Variants in SPIDR observed in about 807,000 individuals in gnomAD.
SPIDR encodes scaffold protein involved in DNA repair, also known as DNA repair-scaffolding protein.
SPIDR carries 93 observed loss-of-function variants against 104.6 expected under a neutral mutation model. The ratio of observed to expected loss-of-function variants is 0.89; its 90% CI spans 0.75 to 1.06. SPIDR has a LOEUF of 1.06. Ranked by LOEUF, SPIDR falls within the 50% of genes least tolerant of loss-of-function variation. The probability of loss-of-function intolerance (pLI) is 0.00; values close to 1 mark genes in which losing one functional copy is unlikely to be tolerated. For synonymous variants in SPIDR, 431 were observed against 416.9 expected, an observed-to-expected ratio of 1.03 and a Z score of -0.41; for missense variants, 1,154 against 1,111.2, an observed-to-expected ratio of 1.04 and a Z score of -0.55.
chr8:47,435,421 G>T (rs1028958882), intron 7 of SPIDR, among the ~76,000 whole-genome samples: 1 of 151,980 alleles, frequency 6.6e-6, no homozygotes. Context: ...ACGAATTCAT[G>T]CAGTTATTCA....
chr8:47,321,694 A>G (rs1554595748), intron 5 of SPIDR, among the ~76,000 whole-genome samples: 1 of 152,210 alleles, frequency 6.6e-6, no homozygotes, highest in Non-Finnish European at 1.5e-5. Context: ...ACTTCAAACT[A>G]TACTACAAGG....
intron 10 of SPIDR, among the ~76,000 whole-genome samples, chr8:47,633,569 A>AAC (rs1554527445): frequency 1.3e-5 from 2 of 150,862 alleles, no homozygotes; most frequent in East Asian, 1.9e-4. Flanking sequence ...AAAAAAAAAA[A>AAC]AAAACAAAAA....
chr8:47,420,171 G>A (rs1443006849), intron 7 of SPIDR, among the ~76,000 whole-genome samples: 2 of 152,134 alleles, frequency 1.3e-5, no homozygotes, highest in Non-Finnish European at 2.9e-5. Context: ...GGGTATCCTT[G>A]TTAACTTTGT....
intron 8 of SPIDR, among the ~76,000 whole-genome samples, chr8:47,486,360 AC>A (rs1179680807): frequency 6.6e-6 from 1 of 152,222 alleles, no homozygotes; most frequent in African/African-American, 2.4e-5. Flanking sequence ...ATGTGAAAAG[AC>A]CAAATCTACG....
intron 8 of SPIDR, among the ~76,000 whole-genome samples, chr8:47,473,523 T>A (rs542136308): frequency 6.6e-6 from 1 of 152,332 alleles, no homozygotes; most frequent in East Asian, 1.9e-4. Flanking sequence ...ATTCTCCTGC[T>A]GCTTTCCTTT....
chr8:47,598,993 G>A lies in SPIDR; in HGVS notation c.1341G>A (p.Gly447=). 6.2e-7 allele frequency: 1 copy of A among 1,613,792 alleles called. No individual in the cohort carries two copies. Among genetic ancestry groups the A allele is most frequent in the Non-Finnish European group, 8.5e-7 (1 of 1,179,830 alleles). Residue 447 remains glycine, a synonymous_variant, in exon 10 of 20, where the codon GGG becomes GGA. Coordinates refer to ENST00000297423, the MANE Select transcript of SPIDR (RefSeq NM_001080394.4). ...VATTGTAWTH[G]HKEAKQRIPT... is the part of the protein sequence containing the mutation. ...CTACAGGGACAGCCTGGACCCATGGGCACAAAGAAGCAAAACAGCGCATCC... is the reference window on the plus strand; with the variant it reads ...CTACAGGGACAGCCTGGACCCATGGACACAAAGAAGCAAAACAGCGCATCC...
At chr8:47,674,470 T>A (rs1314580320) in intron 11 of SPIDR, among the ~76,000 whole-genome samples, 1 of 151,696 alleles carries the variant, frequency 6.6e-6, no homozygotes, top group South Asian at 2.1e-4. Flanking sequence ...GCCTGTTACA[T>A]CTCCAGTAAT....
At chr8:47,438,000 T>C (rs2068686061) in intron 7 of SPIDR, among the ~76,000 whole-genome samples, 1 of 152,252 alleles carries the variant, frequency 6.6e-6, no homozygotes, top group African/African-American at 2.4e-5. Context: ...TGTAATACTA[T>C]TTATGTATTT....
At chr8:47,595,587 A>G (rs2061551536) in intron 8 of SPIDR, among the ~76,000 whole-genome samples, 1 of 152,236 alleles carries the variant, frequency 6.6e-6, no homozygotes, top group Non-Finnish European at 1.5e-5. Flanking sequence ...CCAGGGACTT[A>G]GCCTTCTTCC....
At chr8:47,579,176 C>A (rs907765659) in intron 8 of SPIDR, among the ~76,000 whole-genome samples, 1 of 152,140 alleles carries the variant, frequency 6.6e-6, no homozygotes, top group Non-Finnish European at 1.5e-5. Context: ...ATTGACATTG[C>A]CTTGTCAGAG....
At chr8:47,290,060 A>T (rs1040687359) in intron 3 of SPIDR, among the ~76,000 whole-genome samples, 2 of 151,994 alleles carry the variant, frequency 1.3e-5, no homozygotes, top group Non-Finnish European at 2.9e-5. Flanking sequence ...TGTGTGTGAG[A>T]TGGAGTTTCA....
At chr8:47,686,926 G>A (rs947193761) in intron 11 of SPIDR, among the ~76,000 whole-genome samples, 3 of 150,300 alleles carry the variant, frequency 2.0e-5, no homozygotes, top group Non-Finnish European at 3.0e-5. Context: ...GCCTGCTTTT[G>A]GTTTAGTTAG....
At chr8:47,289,138 G>A (rs1341336799) in intron 3 of SPIDR, among the ~76,000 whole-genome samples, 2 of 152,014 alleles carry the variant, frequency 1.3e-5, no homozygotes, top group South Asian at 2.1e-4. Context: ...AGACTCCCAA[G>A]TAGCTGGGAC....
chr8:47,343,985 A>G (rs117612994), intron 5 of SPIDR, among the ~76,000 whole-genome samples: 6,666 of 150,142 alleles, frequency 0.044, 195 homozygotes, highest in Middle Eastern at 0.062. Flanking sequence ...TATTATTATT[A>G]TACGTCAAGT....
chr8:47,293,771 T>C lies in SPIDR; in HGVS notation c.362-96T>C, dbSNP rs1314145872. Reference sequence around the variant, plus strand: ...CCCTAAATATATTTTTTAAAATTATTGAGTGACATGGATATATTAACTGCT... The same window carrying C: ...CCCTAAATATATTTTTTAAAATTATCGAGTGACATGGATATATTAACTGCT... On this transcript the variant is annotated intron_variant, in intron 4 of 19. Coordinates refer to ENST00000297423, the MANE Select transcript of SPIDR (RefSeq NM_001080394.4). The C allele has an allele frequency of 7.0e-6, 9 of 1,277,672 alleles. No homozygotes were observed. In the African/African-American group the frequency reaches 1.2e-4, roughly 17 times the overall value. 79.1% of individuals were successfully genotyped at this position (1,277,672 alleles called of 1,614,324 possible).
chr8:47,544,900 A>G (rs2088965503), intron 8 of SPIDR, among the ~76,000 whole-genome samples: 1 of 152,228 alleles, frequency 6.6e-6, no homozygotes, highest in Non-Finnish European at 1.5e-5. Flanking sequence ...TATTTTGGAA[A>G]GAATTGAACT....
intron 4 of SPIDR, among the ~76,000 whole-genome samples, chr8:47,293,050 A>T (rs1433982818): frequency 1.3e-5 from 2 of 151,420 alleles, no homozygotes; most frequent in Non-Finnish European, 2.9e-5. Context: ...ACTAAATTTG[A>T]TGTTAATGTG....
intron 8 of SPIDR, among the ~76,000 whole-genome samples, chr8:47,450,622 T>G (rs2071542554): frequency 6.6e-6 from 1 of 152,184 alleles, no homozygotes; most frequent in Non-Finnish European, 1.5e-5. Context: ...TATTGTTGTT[T>G]CCAGTAGAGG....
At chr8:47,446,582 C>T (rs1161284822) in intron 8 of SPIDR, among the ~76,000 whole-genome samples, 22 of 136,880 alleles carry the variant, frequency 1.6e-4, no homozygotes, top group African/African-American at 4.8e-4. Context: ...ATAATGATTC[C>T]TTTTTTTTTT....
Sources: allele counts gnomAD v4.1 joint callset (sites outside exome capture counted in the v4.1 genomes callset), GRCh38; gene constraint gnomAD v4.1.1; transcripts MANE v1.5; gene names NCBI Gene and HGNC (gene_info 2026-07-23, HGNC 2026-07-21).